The following GABRB1 variants were observed in gnomAD, a reference collection of about 807,000 sequenced individuals.
GABRB1 encodes gamma-aminobutyric acid type A receptor subunit beta1.
A neutral mutation model predicts 51.6 loss-of-function variants in GABRB1; 17 were observed. That is an observed-to-expected ratio of 0.33 (90% CI 0.23 to 0.49). The LOEUF (loss-of-function observed/expected upper bound fraction) is 0.49. Ranked by LOEUF, GABRB1 falls within the 20% of genes least tolerant of loss-of-function variation. The pLI, the probability that GABRB1 is intolerant of heterozygous loss-of-function variation, is 0.99. For missense variants in GABRB1, 410 were observed against 600.6 expected (o/e 0.68, Z 3.32); for synonymous variants, 247 against 218.9 (o/e 1.13, Z -1.14).
At chr4:47,021,527 G>T (rs999737925) in intron 1 of GABRB1, among the ~76,000 whole-genome samples, 1 of 152,034 alleles carries the variant, frequency 6.6e-6, no homozygotes, top group Non-Finnish European at 1.5e-5. Context: ...CTGTGCTTTC[G>T]GATCCTCTGC....
chr4:47,289,193 C>T (rs1207685237), intron 4 of GABRB1, among the ~76,000 whole-genome samples: 2 of 152,056 alleles, frequency 1.3e-5, no homozygotes, highest in South Asian at 2.1e-4. Flanking sequence ...CTTTCAATTC[C>T]CCATGCTGTC....
intron 4 of GABRB1, among the ~76,000 whole-genome samples, chr4:47,294,753 G>A (rs1723899913): frequency 6.6e-6 from 1 of 152,252 alleles, no homozygotes; most frequent in Non-Finnish European, 1.5e-5. Context: ...GAAGGGAGCA[G>A]TGGTTCTCCC....
chr4:47,318,174 C>T (rs1444832451), intron 4 of GABRB1, among the ~76,000 whole-genome samples: 2 of 151,938 alleles, frequency 1.3e-5, no homozygotes, highest in Non-Finnish European at 2.9e-5. Flanking sequence ...TCTCATTAAT[C>T]AAAGCACCTA....
In GABRB1 at chr4:47,044,714, C is replaced by A. The variant is rs774538296; in HGVS notation, c.240+12230C>A. 4.6e-5 allele frequency among the ~76,000 whole-genome samples: 7 copies of A among 152,130 alleles called. No homozygotes were observed. The South Asian group carries it at 1.5e-3, about 32-fold the overall frequency. On this transcript the variant is annotated intron_variant, in intron 3 of 8. Coordinates refer to ENST00000295454, the MANE Select transcript of GABRB1 (RefSeq NM_000812.4). ...TTTAATGCCAAGACACCAGGGGTAACATTAACTCACATTATGCATATTCAG... is the reference window on the plus strand; with the variant it reads ...TTTAATGCCAAGACACCAGGGGTAAAATTAACTCACATTATGCATATTCAG...
chr4:47,287,196 T>A (rs899854092), intron 4 of GABRB1, among the ~76,000 whole-genome samples: 3 of 152,224 alleles, frequency 2.0e-5, no homozygotes, highest in African/African-American at 7.2e-5. Flanking sequence ...GAGGTTCTTA[T>A]ACCAGGTTGC....
chr4:47,313,305 A>G (rs902715829), intron 4 of GABRB1, among the ~76,000 whole-genome samples: 17 of 152,172 alleles, frequency 1.1e-4, no homozygotes, highest in Non-Finnish European at 2.5e-4. Context: ...ATCCACCAAC[A>G]AAAATATTTT....
chr4:47,165,061 G>A (rs954546225), intron 4 of GABRB1, among the ~76,000 whole-genome samples: 4 of 152,040 alleles, frequency 2.6e-5, no homozygotes, highest in African/African-American at 9.7e-5. Context: ...CAGAACTTTA[G>A]TCCATGTGCC....
intron 3 of GABRB1, among the ~76,000 whole-genome samples, chr4:47,093,525 A>C (rs1577901654): frequency 6.6e-6 from 1 of 152,338 alleles, no homozygotes; most frequent in Non-Finnish European, 1.5e-5. Context: ...AGAATGTGGC[A>C]TATTGCAAAG....
At chr4:47,059,487 T>C (rs540212620) in intron 3 of GABRB1, among the ~76,000 whole-genome samples, 3 of 152,322 alleles carry the variant, frequency 2.0e-5, no homozygotes, top group South Asian at 4.1e-4. Flanking sequence ...CTCTATTTTA[T>C]GTGACAAATT....
chr4:47,291,266 C>T (rs964085505), intron 4 of GABRB1, among the ~76,000 whole-genome samples: 26 of 152,214 alleles, frequency 1.7e-4, no homozygotes, highest in Admixed American at 1.2e-3. Flanking sequence ...GGTGTTGAGC[C>T]GGCGGGTGCA....
At chr4:47,396,079 A>G (rs1728171629) in intron 5 of GABRB1, among the ~76,000 whole-genome samples, 1 of 152,186 alleles carries the variant, frequency 6.6e-6, no homozygotes, top group South Asian at 2.1e-4. Context: ...CTGCTGATAC[A>G]CACCCGAGAC....
chr4:47,226,218 C>T (rs2109829995), intron 4 of GABRB1, among the ~76,000 whole-genome samples: 1 of 152,204 alleles, frequency 6.6e-6, no homozygotes, highest in African/African-American at 2.4e-5. Context: ...TTGAAATGAA[C>T]ACTGTGGAGA....
intron 5 of GABRB1, among the ~76,000 whole-genome samples, chr4:47,384,028 T>G (rs965978556): frequency 2.0e-4 from 30 of 152,242 alleles, no homozygotes; most frequent in Admixed American, 1.4e-3. Context: ...TTGAGTGCCC[T>G]CTACAGGATA....
chr4:47,403,418 C>A lies in GABRB1; in HGVS notation c.645C>A (p.Asp215Glu). ...AACTTCCTCAATTTTCAATTGTTGA[C>A]TACAAGATGGTGTCTAAGAAGGTGG... ...KIELPQFSIV[D>E]YKMVSKKVEF... The change falls in exon 6 of 9, where the codon GAC becomes GAA. Residue 215 changes from aspartate (D) to glutamate (E), a missense_variant. Asp to Glu is a conservative substitution (Grantham distance 45). This residue lies in a region of GABRB1 where 36 missense variants were observed against 39.7 expected (regional missense o/e 0.91). Coordinates refer to ENST00000295454, the MANE Select transcript of GABRB1 (RefSeq NM_000812.4). 7 of 1,614,046 alleles carry A rather than the reference C, an allele frequency of 4.3e-6. No individual in the cohort carries two copies. Among genetic ancestry groups the A allele is most frequent in the African/African-American group, 1.3e-5 (1 of 75,032 alleles).
chr4:47,140,032 T>G (rs1333199498), intron 3 of GABRB1, among the ~76,000 whole-genome samples: 1 of 151,560 alleles, frequency 6.6e-6, no homozygotes, highest in African/African-American at 2.4e-5. Context: ...ACAGGTTGTG[T>G]GACACTATAG....
chr4:47,348,255 G>A (rs1299370212), intron 5 of GABRB1, among the ~76,000 whole-genome samples: 1 of 152,042 alleles, frequency 6.6e-6, no homozygotes, highest in Admixed American at 6.6e-5. Flanking sequence ...TGTATTAATG[G>A]TACACCATTT....
At chr4:47,152,444 A>G (rs933900846) in intron 3 of GABRB1, among the ~76,000 whole-genome samples, 20 of 152,036 alleles carry the variant, frequency 1.3e-4, no homozygotes, top group African/African-American at 4.6e-4. Flanking sequence ...TCAAAGTAGA[A>G]GAGAGTTGTG....
upstream of GABRB1, chr4:47,031,522 A>G (rs1240809601): frequency 1.4e-6 from 1 of 718,016 alleles, no homozygotes. Context: ...TGCAAGGCAC[A>G]AGGTGTCTTT....
chr4:47,385,802 T>C (rs903364948), intron 5 of GABRB1, among the ~76,000 whole-genome samples: 3 of 152,146 alleles, frequency 2.0e-5, no homozygotes, highest in African/African-American at 7.2e-5. Context: ...TAGCTTCAAA[T>C]CAGGGGCTCC....
Sources: allele counts gnomAD v4.1 joint callset (sites outside exome capture counted in the v4.1 genomes callset), GRCh38; gene constraint gnomAD v4.1.1; regional missense constraint gnomAD v4.1.1; transcripts MANE v1.5; gene names NCBI Gene and HGNC (gene_info 2026-07-23, HGNC 2026-07-21).